Variants in TFAP4 observed in about 807,000 individuals in gnomAD.
The protein encoded by TFAP4 is transcription factor AP-4, also known as activating enhancer-binding protein 4.
A neutral mutation model predicts 40.4 loss-of-function variants in TFAP4; 7 were observed. The observed-to-expected ratio is 0.17, with a 90% CI of 0.10 to 0.33. TFAP4 has a LOEUF of 0.33. Among genes scored for constraint, TFAP4 ranks in the 10% least tolerant of loss-of-function variants. The probability of loss-of-function intolerance (pLI) is 1.00; values close to 1 mark genes in which losing one functional copy is unlikely to be tolerated. For synonymous variants in TFAP4, 218 were observed against 181.4 expected, an observed-to-expected ratio of 1.20 and a Z score of -1.62; for missense variants, 374 against 451.1, an observed-to-expected ratio of 0.83 and a Z score of 1.55.
intron 1 of TFAP4, among the ~76,000 whole-genome samples, chr16:4,272,447 G>A (rs1488495300): frequency 1.3e-5 from 2 of 152,064 alleles, no homozygotes; most frequent in Non-Finnish European, 2.9e-5. Context: ...GGACAAAAGT[G>A]GCCGGGGCCG....
chr16:4,269,078 G>A (rs920723964), intron 1 of TFAP4, among the ~76,000 whole-genome samples: 1 of 151,920 alleles, frequency 6.6e-6, no homozygotes, highest in Non-Finnish European at 1.5e-5. Context: ...TGTAGAGGTG[G>A]GGTCTTGCTA....
In TFAP4 at chr16:4,257,830, G is replaced by A. The variant is rs1440491525; in HGVS notation, c.*225C>T. 8.5e-6 allele frequency: 4 copies of A among 470,358 alleles called. No individual in the cohort carries two copies. The highest frequency in any genetic ancestry group is 1.5e-5 in the Non-Finnish European group (4 of 267,878). 29.1% of individuals were successfully genotyped at this position (470,358 alleles called of 1,614,324 possible). ...GCCCCCGGGGCCGAGGCCCCGCCCTGGGGTGCCGATGCTCCCACACGCTCT... is the reference window on the plus strand; with the variant it reads ...GCCCCCGGGGCCGAGGCCCCGCCCTAGGGTGCCGATGCTCCCACACGCTCT... On this transcript the variant is annotated 3_prime_UTR_variant, in exon 7 of 7. Transcript: ENST00000204517.
intron 1 of TFAP4, among the ~76,000 whole-genome samples, chr16:4,272,347 G>A (rs2053046785): frequency 6.6e-6 from 1 of 152,134 alleles, no homozygotes; most frequent in Non-Finnish European, 1.5e-5. Context: ...CGGGGGGGAA[G>A]GCCACCAGCA....
At chr16:4,272,575 C>T (rs2053048273) in intron 1 of TFAP4, 83 bp downstream of exon 1, 3 of 1,062,746 alleles carry the variant, frequency 2.8e-6, no homozygotes, top group Non-Finnish European at 3.9e-6. Flanking sequence ...GCGGGCCATG[C>T]GTGCGCACAC....
chr16:4,272,244 G>A (rs1181917186), intron 1 of TFAP4, among the ~76,000 whole-genome samples: 1 of 151,526 alleles, frequency 6.6e-6, no homozygotes, highest in Non-Finnish European at 1.5e-5. Flanking sequence ...CGCGCGCCCC[G>A]GGCCCCCAGA....
In TFAP4 at chr16:4,269,222, G is replaced by A. The variant is rs973616029; in HGVS notation, c.89+3436C>T. Among the ~76,000 whole-genome samples the A allele has an allele frequency of 2.9e-4, 44 of 151,660 alleles. 2 individuals are homozygous for A. In the Middle Eastern group the frequency reaches 0.027, roughly 94 times the overall value. On this transcript the variant is annotated intron_variant, in intron 1 of 6. Coordinates refer to ENST00000204517, the MANE Select transcript of TFAP4 (RefSeq NM_003223.3). The stretch of plus-strand genomic sequence containing the variant: ...TATGATACAGACAGAGGCCAGGCGC[G>A]GTGGCTCACGCCTGTAATCCCAACA...
At chr16:4,260,268 C>G in intron 5 of TFAP4, 23 bp from the exon 6 acceptor site, 1 of 1,540,456 alleles carries the variant, frequency 6.5e-7, no homozygotes, top group Non-Finnish European at 8.7e-7. Flanking sequence ...GGCCCTCAGC[C>G]TTTCTCTCAA....
chr16:4,265,781 G>A (rs2052990190), intron 1 of TFAP4: 1 of 152,194 alleles, frequency 6.6e-6, no homozygotes, highest in East Asian at 1.9e-4. Flanking sequence ...GTCGTGGGAA[G>A]GAAGGTGATG....
rs759818510 is a variant in TFAP4 at position 4,262,345 on chromosome 16, T to A, written c.333A>T (p.Thr111=). The A allele has an allele frequency of 3.1e-6, 5 of 1,614,158 alleles. No individual in the cohort carries two copies. The highest frequency in any genetic ancestry group is 4.2e-6 in the Non-Finnish European group (5 of 1,180,022). ...QEKTRLLQQN[T]QLKRFIQELS... is the part of the protein sequence containing the mutation. ...GCACCTGGATGAAGCGCTTGAGCTG[T>A]GTGTTCTGCTGCAAGAGCCTGGTCT... The change falls in exon 3 of 7, where the codon ACA becomes ACT. Residue 111 remains threonine (T), a synonymous_variant. Transcript: ENST00000204517.
In TFAP4 at chr16:4,260,550, T is replaced by C; in HGVS notation, c.571A>G (p.Ile191Val). The C allele has an allele frequency of 2.5e-6, 4 of 1,612,168 alleles. No individual in the cohort carries two copies. Among genetic ancestry groups the C allele is most frequent in the Non-Finnish European group, 3.4e-6 (4 of 1,179,470 alleles). ...AHMYPEKLKV[I>V]AQQVQLQQQQ... ...TGCTGCAGCTGCACCTGCTGCGCAA[T>C]CACCTTGAGCTTTTCCGGGTACATG... The change falls in exon 5 of 7, where the codon ATT becomes GTT. Residue 191 changes from isoleucine to valine, a missense_variant. Coordinates refer to ENST00000204517, the MANE Select transcript of TFAP4 (RefSeq NM_003223.3).
At chr16:4,260,057 C>T (rs750987680) in intron 6 of TFAP4, 33 bp downstream of exon 6, 64 of 1,595,382 alleles carry the variant, frequency 4.0e-5, no homozygotes, top group Non-Finnish European at 7.7e-6. Flanking sequence ...GAGTATGACC[C>T]CCACAAGCTG....
chr16:4,267,520 C>T (rs536735719), intron 1 of TFAP4, among the ~76,000 whole-genome samples: 46 of 152,378 alleles, frequency 3.0e-4, no homozygotes, highest in African/African-American at 5.3e-4. Context: ...CTGAGACTGA[C>T]GCTGGCGTCC....
intron 1 of TFAP4, among the ~76,000 whole-genome samples, chr16:4,268,455 T>G (rs531118760): frequency 5.1e-4 from 78 of 152,298 alleles, no homozygotes; most frequent in African/African-American, 1.9e-3. Context: ...ATCCTGTTCA[T>G]GGCTGTATCC....
intron 1 of TFAP4, among the ~76,000 whole-genome samples, chr16:4,272,034 A>G (rs1326741989): frequency 6.6e-6 from 1 of 151,380 alleles, no homozygotes; most frequent in Non-Finnish European, 1.5e-5. Flanking sequence ...AGCGGCAGCC[A>G]ACGTGCCCCG....
intron 4 of TFAP4, 54 bp downstream of exon 4, chr16:4,261,725 A>T (rs1413345358): frequency 1.3e-6 from 2 of 1,491,778 alleles, no homozygotes; most frequent in Non-Finnish European, 1.8e-6. Context: ...GCGCGACCCC[A>T]GGCTCCACGC....
In TFAP4 at chr16:4,272,648, G is replaced by A; in HGVS notation, c.89+10C>T. On this transcript the variant is annotated intron_variant, in intron 1 of 6. Transcript: ENST00000204517. The stretch of plus-strand genomic sequence containing the variant: ...GGTAGGAAGGGGGTGGGGGGAGGAG[G>A]AGTACACACCTACAGAGCCCTCCTA... The A allele has an allele frequency of 6.2e-7, 1 of 1,604,710 alleles. No homozygotes were observed. Among genetic ancestry groups the A allele is most frequent in the South Asian group, 1.1e-5 (1 of 90,208 alleles).
At chr16:4,268,115 G>A (rs147382209) in intron 1 of TFAP4, 1 of 152,370 alleles carries the variant, frequency 6.6e-6, no homozygotes, top group East Asian at 1.9e-4. Context: ...TCACTTCACA[G>A]GGTCATGGTG....
intron 4 of TFAP4, 65 bp from the exon 5 acceptor site, chr16:4,260,660 C>G: frequency 1.3e-6 from 2 of 1,505,924 alleles, no homozygotes; most frequent in South Asian, 2.6e-5. Context: ...GTCAGTCTCA[C>G]AGCAGCTCAT....
intron 1 of TFAP4, chr16:4,265,831 C>T (rs1178063617): frequency 6.6e-6 from 1 of 152,172 alleles, no homozygotes; most frequent in Non-Finnish European, 1.5e-5. Flanking sequence ...CAACAGCAAC[C>T]TGCAGATGCC....
Sources: allele counts gnomAD v4.1 joint callset (sites outside exome capture counted in the v4.1 genomes callset), GRCh38; gene constraint gnomAD v4.1.1; transcripts MANE v1.5; gene names NCBI Gene and HGNC (gene_info 2026-07-23, HGNC 2026-07-21).